Variants in ANKMY2 observed in about 807,000 individuals in gnomAD.
ANKMY2 encodes ankyrin repeat and MYND domain-containing protein 2.
A neutral mutation model predicts 50.4 loss-of-function variants in ANKMY2; 36 were observed. That is an observed-to-expected ratio of 0.71 (90% CI 0.55 to 0.94). ANKMY2 has a LOEUF of 0.94. Ranked by LOEUF, ANKMY2 falls within the 40% of genes least tolerant of loss-of-function variation. The probability of loss-of-function intolerance (pLI) is 0.00; values close to 1 mark genes in which losing one functional copy is unlikely to be tolerated. For missense variants in ANKMY2, 565 were observed against 524.0 expected, an observed-to-expected ratio of 1.08 and a Z score of -0.76; for synonymous variants, 187 against 178.8, an observed-to-expected ratio of 1.05 and a Z score of -0.36.
At chr7:16,604,987 G>A (rs1781128874) in intron 7 of ANKMY2, 138 bp from the exon 8 acceptor site, 1 of 827,806 alleles carries the variant, frequency 1.2e-6, no homozygotes, top group African/African-American at 1.7e-5. Flanking sequence ...AGATTACACA[G>A]GCTTTAAGAC....
chr7:16,627,372 GA>G (rs143825785), intron 2 of ANKMY2, among the ~76,000 whole-genome samples, 194 bp from the exon 3 acceptor site: 96 of 152,230 alleles, frequency 6.3e-4, no homozygotes, highest in Non-Finnish European at 1.0e-3. Flanking sequence ...TATTACTGGA[GA>G]TTTTTTTACG....
At chr7:16,631,435 T>C (rs908967925) in intron 2 of ANKMY2, among the ~76,000 whole-genome samples, 3 of 152,186 alleles carry the variant, frequency 2.0e-5, no homozygotes, top group Admixed American at 6.5e-5. Context: ...GAGTTGAGTA[T>C]CTTCCCATCT....
intron 8 of ANKMY2, among the ~76,000 whole-genome samples, chr7:16,604,248 G>T (rs1409860080): frequency 6.6e-6 from 1 of 152,162 alleles, no homozygotes; most frequent in Non-Finnish European, 1.5e-5. Context: ...GGCAGAAGGG[G>T]GCAGTACAGT....
In ANKMY2 at chr7:16,636,394, G is replaced by C; in HGVS notation, c.129C>G (p.Asp43Glu). The C allele has an allele frequency of 1.3e-6, 2 of 1,563,490 alleles. No individual in the cohort carries two copies. Among genetic ancestry groups the C allele is most frequent in the Non-Finnish European group, 1.7e-6 (2 of 1,155,884 alleles). The change falls in exon 2 of 10, where the codon GAC becomes GAG. Residue 43 changes from aspartate (D) to glutamate (E), a missense_variant. By Grantham distance (45) the Asp-to-Glu change is conservative (BLOSUM62 2). Transcript: ENST00000306999. ...TATTAAACTTCTAAAATCTTACCTC[G>C]TCCAAACAGTTGACACGAACATTCT... ...SSKNVRVNCL[D>E]ENGMTPLMHA...
Position 16,602,431 on chromosome 7 carries a change from A to T in ANKMY2, c.1090T>A (p.Tyr364Asn). The T allele has an allele frequency of 6.2e-7, 1 of 1,613,836 alleles. No individual in the cohort carries two copies. The highest frequency in any genetic ancestry group is 1.3e-5 in the African/African-American group (1 of 75,012). Residue 364 changes from tyrosine (Y) to asparagine (N), a missense_variant, in exon 9 of 10, where the codon TAC becomes AAC. Transcript: ENST00000306999. ...KKICKNLKDI[Y>N]EKQQLEAAKE... is the part of the protein sequence containing the mutation. Reference sequence around the variant, plus strand: ...GCAGCCTCCAACTGTTGCTTTTCGTAAATGTCCTTCAGATTCTTACAGATT... The same window carrying T: ...GCAGCCTCCAACTGTTGCTTTTCGTTAATGTCCTTCAGATTCTTACAGATT...
intron 5 of ANKMY2, among the ~76,000 whole-genome samples, chr7:16,614,652 C>A (rs1429456596): frequency 6.6e-6 from 1 of 152,162 alleles, no homozygotes; most frequent in Non-Finnish European, 1.5e-5. Flanking sequence ...GAAGAGTCAC[C>A]TTATAAGAAC....
intron 4 of ANKMY2, among the ~76,000 whole-genome samples, chr7:16,622,045 AAAG>A (rs1461489385): frequency 6.6e-6 from 1 of 151,902 alleles, no homozygotes; most frequent in Admixed American, 6.6e-5. Flanking sequence ...GAAGAAGAAG[AAAG>A]AAGGAAGAAG....
At chr7:16,605,404 G>A (rs1781138219) in intron 7 of ANKMY2, among the ~76,000 whole-genome samples, 1 of 152,098 alleles carries the variant, frequency 6.6e-6, no homozygotes, top group African/African-American at 2.4e-5. Flanking sequence ...CACACATGCA[G>A]CAATTGAATC....
intron 2 of ANKMY2, among the ~76,000 whole-genome samples, chr7:16,635,351 G>A (rs1243001487): frequency 6.6e-6 from 1 of 152,080 alleles, no homozygotes; most frequent in African/African-American, 2.4e-5. Flanking sequence ...AGGAGTGGGT[G>A]GGGAAGGGCA....
intron 2 of ANKMY2, 144 bp downstream of exon 2, chr7:16,636,247 G>T: frequency 1.8e-6 from 1 of 569,264 alleles, no homozygotes; most frequent in Non-Finnish European, 2.8e-6. Context: ...AGGTTGCAGT[G>T]AGCCAAAATT....
intron 1 of ANKMY2, chr7:16,644,728 C>A (rs554752950): frequency 4.2e-6 from 2 of 471,058 alleles, no homozygotes; most frequent in African/African-American, 4.0e-5. Flanking sequence ...CTGGGACGTC[C>A]ACTCGGGGAC....
At chr7:16,643,866 A>G (rs1781778218) in intron 1 of ANKMY2, among the ~76,000 whole-genome samples, 2 of 144,036 alleles carry the variant, frequency 1.4e-5, no homozygotes, top group Admixed American at 1.4e-4. Flanking sequence ...CATCTCTACA[A>G]AAAAAAAAAA....
At chr7:16,609,861 A>C (rs1354933504) in intron 6 of ANKMY2, 96 bp from the exon 7 acceptor site, 4 of 1,427,534 alleles carry the variant, frequency 2.8e-6, no homozygotes, top group Non-Finnish European at 3.8e-6. Flanking sequence ...TCTGTTACTT[A>C]TGATTTTCTT....
chr7:16,637,505 G>A (rs1428347040), intron 1 of ANKMY2, among the ~76,000 whole-genome samples: 1 of 146,198 alleles, frequency 6.8e-6, no homozygotes, highest in Non-Finnish European at 1.5e-5. Flanking sequence ...AAAATGTCAA[G>A]TGAATGATCT....
chr7:16,609,674 T>C lies in ANKMY2; in HGVS notation c.838A>G (p.Thr280Ala). Reference protein sequence around the residue: ...SIRKFPYCEATLLQQLVRSIA... With the variant: ...SIRKFPYCEAALLQQLVRSIA... ...CTTCGAACCAGCTGCTGGAGGAGTG[T>C]AGCTTCACAGTAAGGAAATTTTCTG... The change falls in exon 7 of 10, where the codon ACA (threonine) becomes GCA (alanine). Residue 280 changes from threonine to alanine, a missense_variant. Physicochemically the swap from Thr to Ala is moderately conservative, Grantham distance 58 (BLOSUM62 0). Transcript: ENST00000306999. The C allele has an allele frequency of 8.7e-6, 14 of 1,612,972 alleles. No homozygotes were observed. The highest frequency in any genetic ancestry group is 1.2e-5 in the Non-Finnish European group (14 of 1,179,694).
chr7:16,605,829 C>G (rs1781150040), intron 7 of ANKMY2, among the ~76,000 whole-genome samples: 1 of 151,544 alleles, frequency 6.6e-6, no homozygotes, highest in South Asian at 2.1e-4. Context: ...ACTACAGGCA[C>G]CCGCCACCAC....
rs767206252 is a variant in ANKMY2, at chr7:16,602,406, G to A, written c.1115C>T (p.Ala372Val). Residue 372 changes from alanine (A) to valine (V), a missense_variant, in exon 9 of 10, where the codon GCC (alanine) becomes GTC (valine). Ala to Val is a moderately conservative substitution (Grantham distance 64). Coordinates refer to ENST00000306999, the MANE Select transcript of ANKMY2 (RefSeq NM_020319.3). The stretch of plus-strand genomic sequence containing the variant: ...GTTTTCCTCTTGTCTCTTTTCTTTG[G>A]CAGCCTCCAACTGTTGCTTTTCGTA... ...DIYEKQQLEA[A>V]KEKRQEENHG... The A allele has an allele frequency of 1.2e-6, 2 of 1,612,920 alleles. No homozygotes were observed. The highest frequency in any genetic ancestry group is 1.7e-6 in the Non-Finnish European group (2 of 1,179,740).
chr7:16,642,706 C>A (rs1200446674), intron 1 of ANKMY2, among the ~76,000 whole-genome samples: 1 of 150,768 alleles, frequency 6.6e-6, no homozygotes, highest in Non-Finnish European at 1.5e-5. Context: ...CTTTTTGGCA[C>A]AAATATAAAC....
rs752236166 is a variant in ANKMY2, at chr7:16,615,747, G to A, written c.528C>T (p.Val176=). Residue 176 remains valine (V), a synonymous_variant, in exon 5 of 10, where the codon GTC becomes GTT. Transcript: ENST00000306999. ...AATACGGTAGACACCACACTACCTT[G>A]ACAGGATGAAGATTCGTTGTGGTGA... is the stretch of plus-strand genomic sequence containing the variant. ...KIITTTNLHP[V]KIVMLVNENP... is the part of the protein sequence containing the mutation. 8.1e-6 allele frequency: 13 copies of A among 1,614,168 alleles called. 1 individual carries two copies. In the South Asian group the frequency reaches 1.2e-4, roughly 15 times the overall value.
Sources: allele counts gnomAD v4.1 joint callset (sites outside exome capture counted in the v4.1 genomes callset), GRCh38; gene constraint gnomAD v4.1.1; transcripts MANE v1.5; gene names NCBI Gene and HGNC (gene_info 2026-07-23, HGNC 2026-07-21).